The following TNRC6A variants were observed in gnomAD, a reference collection of about 807,000 sequenced individuals.
TNRC6A encodes trinucleotide repeat containing adaptor 6A.
Under a neutral mutation model 221.2 loss-of-function variants are expected in TNRC6A, and 44 were observed. That is an observed-to-expected ratio of 0.20 (90% CI 0.16 to 0.26). The LOEUF (loss-of-function observed/expected upper bound fraction) is 0.26, where lower values mean the gene tolerates loss of function less well. Ranked by LOEUF, TNRC6A falls within the 10% of genes least tolerant of loss-of-function variation. TNRC6A has a pLI of 1.00. For synonymous variants in TNRC6A, 847 were observed against 838.5 expected, an observed-to-expected ratio of 1.01 and a Z score of -0.18; for missense variants, 2,199 against 2,404.4, an observed-to-expected ratio of 0.91 and a Z score of 1.79.
intron 2 of TNRC6A, among the ~76,000 whole-genome samples, chr16:24,722,312 G>C (rs1228390775): frequency 3.3e-5 from 5 of 152,150 alleles, no homozygotes; most frequent in African/African-American, 9.7e-5. Context: ...TACTTGGGAA[G>C]CTGAGACGGG....
At chr16:24,613,064 C>T (rs956689128) in intron 1 of TNRC6A, among the ~76,000 whole-genome samples, 2 of 139,002 alleles carry the variant, frequency 1.4e-5, no homozygotes, top group African/African-American at 5.4e-5. Flanking sequence ...TGCAGTGAGC[C>T]GAGATCGCAC....
At chr16:24,639,501 T>C (rs1901820140) in intron 1 of TNRC6A, among the ~76,000 whole-genome samples, 1 of 150,080 alleles carries the variant, frequency 6.7e-6, no homozygotes, top group African/African-American at 2.4e-5. Flanking sequence ...TCAAAAAACA[T>C]GAGAAAGACT....
At chr16:24,668,173 C>T (rs187861473) in intron 2 of TNRC6A, among the ~76,000 whole-genome samples, 465 of 151,830 alleles carry the variant, frequency 3.1e-3, no homozygotes, top group Non-Finnish European at 5.2e-3. Flanking sequence ...ACTAAAAGTA[C>T]AAAAATTAGC....
chr16:24,776,257 G>A lies in TNRC6A; in HGVS notation c.164-676G>A, dbSNP rs1239234335. The A allele has an allele frequency of 5.1e-6, 5 of 984,346 alleles. No individual in the cohort carries two copies. The Admixed American group carries it at 1.8e-4, about 36-fold the overall frequency. The allele number at this position is 984,346 out of a possible 1,614,324, so 61.0% of individuals were successfully genotyped here. A position where few individuals can be genotyped will look rare whatever the true frequency, so the allele number is the denominator to read the frequency against. ...TGAGTCAAAAATTTCCCTATTTGCA[G>A]TTTCCGATTTATTTTTCAGATTTAA... is the stretch of plus-strand genomic sequence containing the variant. On this transcript the variant is annotated intron_variant, in intron 4 of 24. Transcript: ENST00000395799.
At chr16:24,729,173 TGAG>T (rs1189982660), upstream of TNRC6A, among the ~76,000 whole-genome samples, 9 of 152,072 alleles carry the variant, frequency 5.9e-5, no homozygotes, top group African/African-American at 2.2e-4. Flanking sequence ...ATTCTTTACC[TGAG>T]GAGGAACAGA....
intron 4 of TNRC6A, among the ~76,000 whole-genome samples, chr16:24,761,365 G>A (rs1044553065): frequency 6.6e-5 from 10 of 152,190 alleles, no homozygotes; most frequent in African/African-American, 2.4e-4. Context: ...CCTTGAAACA[G>A]CAGGAGAGTG....
intron 3 of TNRC6A, among the ~76,000 whole-genome samples, chr16:24,755,930 C>CA (rs1409190118): frequency 5.9e-5 from 9 of 151,454 alleles, no homozygotes; most frequent in African/African-American, 9.7e-5. Flanking sequence ...TATAGTTTTT[C>CA]AAAAAAAATC....
intron 2 of TNRC6A, among the ~76,000 whole-genome samples, chr16:24,686,743 A>G (rs2055633684): frequency 6.6e-6 from 1 of 152,170 alleles, no homozygotes; most frequent in African/African-American, 2.4e-5. Flanking sequence ...CGGTGCCGCG[A>G]CAGAGGCCTC....
At chr16:24,639,507 A>T (rs1041888543) in intron 1 of TNRC6A, among the ~76,000 whole-genome samples, 1 of 152,162 alleles carries the variant, frequency 6.6e-6, no homozygotes, top group Non-Finnish European at 1.5e-5. Flanking sequence ...AACATGAGAA[A>T]GACTAAGATA....
intron 2 of TNRC6A, among the ~76,000 whole-genome samples, chr16:24,708,068 A>AACAAAAAACAAAAAC (rs1567375470): frequency 4.0e-5 from 6 of 150,654 alleles, no homozygotes; most frequent in Admixed American, 2.6e-4. Context: ...AAAAAAAAAA[A>AACAAAAAACAAAAAC]ACACACACAC....
chr16:24,621,604 C>T (rs1212917776), intron 1 of TNRC6A, among the ~76,000 whole-genome samples: 1 of 152,000 alleles, frequency 6.6e-6, no homozygotes, highest in Non-Finnish European at 1.5e-5. Flanking sequence ...ATGATCCACC[C>T]ACCTTGGCCT....
intron 1 of TNRC6A, among the ~76,000 whole-genome samples, chr16:24,637,592 C>A (rs1901699588): frequency 6.6e-6 from 1 of 152,032 alleles, no homozygotes; most frequent in Non-Finnish European, 1.5e-5. Flanking sequence ...AGTGAGGGAA[C>A]CACAGTTACT....
Position 24,790,314 on chromosome 16 carries a change from C to T in TNRC6A, c.1672C>T (p.Pro558Ser), listed in dbSNP as rs144051257. The change falls in exon 6 of 25, where the codon CCT becomes TCT. Residue 558 changes from proline (P) to serine (S), a missense_variant. This residue lies in a region of TNRC6A where 1,405 missense variants were observed against 1,400.2 expected (regional missense o/e 1.00). Coordinates refer to ENST00000395799, the MANE Select transcript of TNRC6A (RefSeq NM_014494.4). ...TCTAATGCAGCCTGGCGTAAATGGT[C>T]CTATGGGCACTAACTTTCAAGTTAA... ...ATLMQPGVNG[P>S]MGTNFQVNTN... The T allele has an allele frequency of 2.4e-5, 39 of 1,614,012 alleles. No individual in the cohort carries two copies. The African/African-American group carries it at 5.2e-4, about 22-fold the overall frequency.
At chr16:24,793,372 A>T in intron 6 of TNRC6A, 101 bp from the exon 7 acceptor site, 1 of 765,760 alleles carries the variant, frequency 1.3e-6, no homozygotes. Context: ...ATAAACATGA[A>T]GTTCTTCATC....
At chr16:24,721,577 G>A (rs998660822) in intron 2 of TNRC6A, among the ~76,000 whole-genome samples, 14 of 152,184 alleles carry the variant, frequency 9.2e-5, no homozygotes, top group Admixed American at 2.6e-4. Flanking sequence ...AGGCTGAGGC[G>A]GGTGGATTGC....
chr16:24,825,170 T>C lies in TNRC6A; in HGVS notation c.*1363T>C, dbSNP rs1168730341. ...TAAATGTTGTTGCAAACTAACGAGTTACACCATTTTAAACTTTCTTTCCTC... is the reference window on the plus strand; with the variant it reads ...TAAATGTTGTTGCAAACTAACGAGTCACACCATTTTAAACTTTCTTTCCTC... On this transcript the variant is annotated 3_prime_UTR_variant, in exon 25 of 25. Coordinates refer to ENST00000395799, the MANE Select transcript of TNRC6A (RefSeq NM_014494.4). The C allele has an allele frequency of 6.6e-6, 1 of 152,656 alleles. No individual in the cohort carries two copies. Among genetic ancestry groups the C allele is most frequent in the Non-Finnish European group, 1.5e-5 (1 of 68,044 alleles). 9.5% of individuals were successfully genotyped at this position (152,656 alleles called of 1,614,324 possible).
intron 1 of TNRC6A, among the ~76,000 whole-genome samples, chr16:24,622,531 T>C (rs571175776): frequency 6.6e-6 from 1 of 152,110 alleles, no homozygotes; most frequent in African/African-American, 2.4e-5. Context: ...GAGGCAGAGG[T>C]TGCAGTGAGC....
intron 1 of TNRC6A, among the ~76,000 whole-genome samples, chr16:24,628,297 G>A (rs1262511179): frequency 1.3e-5 from 2 of 151,938 alleles, no homozygotes; most frequent in Non-Finnish European, 2.9e-5. Context: ...GTGGGCGCCT[G>A]TAATCCCAGC....
At chr16:24,728,024 A>C (rs1372374344), upstream of TNRC6A, among the ~76,000 whole-genome samples, 1 of 152,222 alleles carries the variant, frequency 6.6e-6, no homozygotes, top group African/African-American at 2.4e-5. Flanking sequence ...TAATCAGTTA[A>C]CGTTTTGGTG....
Sources: allele counts gnomAD v4.1 joint callset (sites outside exome capture counted in the v4.1 genomes callset), GRCh38; gene constraint gnomAD v4.1.1; regional missense constraint gnomAD v4.1.1; transcripts MANE v1.5; gene names NCBI Gene and HGNC (gene_info 2026-07-23, HGNC 2026-07-21).